The following NPTXR variants were observed in gnomAD, a reference collection of about 807,000 sequenced individuals.
The protein encoded by NPTXR is neuronal pentraxin receptor.
NPTXR carries 12 observed loss-of-function variants against 32.2 expected under a neutral mutation model. The ratio of observed to expected loss-of-function variants is 0.37; its 90% CI spans 0.24 to 0.60. The LOEUF is 0.60. NPTXR is among the 20% of genes least tolerant of loss of function. The probability of loss-of-function intolerance (pLI) is 0.66; values close to 1 mark genes in which losing one functional copy is unlikely to be tolerated. For synonymous variants in NPTXR, 323 were observed against 315.8 expected, an observed-to-expected ratio of 1.02 and a Z score of -0.24; for missense variants, 612 against 682.9, an observed-to-expected ratio of 0.90 and a Z score of 1.16.
At chr22:38,835,289 T>A (rs1439616310) in intron 1 of NPTXR, among the ~76,000 whole-genome samples, 2 of 152,142 alleles carry the variant, frequency 1.3e-5, no homozygotes, top group African/African-American at 4.8e-5. Flanking sequence ...AGGTGGAAGT[T>A]TGGGGTCAGG....
intron 1 of NPTXR, among the ~76,000 whole-genome samples, chr22:38,837,604 G>A (rs1375472174): frequency 2.6e-5 from 4 of 152,054 alleles, no homozygotes; most frequent in Admixed American, 1.3e-4. Context: ...GCTCGAGGGC[G>A]GTACACACAT....
chr22:38,827,782 C>G (rs148062606), intron 2 of NPTXR, among the ~76,000 whole-genome samples: 3 of 152,322 alleles, frequency 2.0e-5, no homozygotes, highest in Non-Finnish European at 4.4e-5. Flanking sequence ...GATATGCAAC[C>G]AGGAGCCAGG....
At chr22:38,839,510 T>C (rs534224400) in intron 1 of NPTXR, among the ~76,000 whole-genome samples, 8 of 152,294 alleles carry the variant, frequency 5.3e-5, no homozygotes, top group African/African-American at 1.7e-4. Flanking sequence ...CTGGGCGTGG[T>C]GGCACATGCC....
chr22:38,826,526 G>A lies in NPTXR; in HGVS notation c.1072C>T (p.Pro358Ser), dbSNP rs769489717. ...TTGTCGTTGATCAGCAGCTCCATGG[G>A]CTCATGGCCCGCCTCTAGCAGTACA... The change falls in exon 3 of 5, where the codon CCC becomes TCC. Residue 358 changes from proline to serine, a missense_variant. Physicochemically the swap from Pro to Ser is moderately conservative, Grantham distance 74 (BLOSUM62 -1). Transcript: ENST00000333039. 8.7e-6 allele frequency: 14 copies of A among 1,612,246 alleles called. No individual in the cohort carries two copies. Among genetic ancestry groups the A allele is most frequent in the Admixed American group, 3.3e-5 (2 of 59,938 alleles).
chr22:38,824,472 C>T (rs111382838), intron 3 of NPTXR, among the ~76,000 whole-genome samples: 1,793 of 152,148 alleles, frequency 0.012, 30 homozygotes, highest in African/African-American at 0.041. Context: ...ACAGAGGCTG[C>T]GAGGCCCAGA....
intron 1 of NPTXR, among the ~76,000 whole-genome samples, chr22:38,838,872 C>T (rs372990083): frequency 5.3e-5 from 8 of 152,052 alleles, no homozygotes; most frequent in South Asian, 2.1e-4. Context: ...TGAGCCACCG[C>T]GCCCAGCTCA....
rs1014083450 is a variant in NPTXR, at chr22:38,843,306, C to T, written c.553G>A (p.Asp185Asn). ...AGCTCCAGAATGAGCGCAGGCGAGT[C>T]CCAGGGCCCGTCGGCCATGGTGTCG... Residue 185 changes from aspartate (D) to asparagine (N), a missense_variant, in exon 1 of 5, where the codon GAC becomes AAC. Asp to Asn is a conservative substitution (Grantham distance 23, BLOSUM62 1). Transcript: ENST00000333039. The surrounding 1 kb of genome is among the most constrained non-coding windows in gnomAD (Gnocchi z 5.3). 11 of 1,431,108 alleles carry T rather than the reference C, an allele frequency of 7.7e-6. No homozygotes were observed. Among genetic ancestry groups the T allele is most frequent in the African/African-American group, 6.0e-5 (4 of 66,846 alleles). The allele number at this position is 1,431,108 out of a possible 1,614,324, so 88.7% of individuals were successfully genotyped here.
chr22:38,824,961 A>C (rs2093104083), intron 3 of NPTXR, among the ~76,000 whole-genome samples: 1 of 152,126 alleles, frequency 6.6e-6, no homozygotes, highest in Non-Finnish European at 1.5e-5. Context: ...TAGTGGCTTT[A>C]TGTGTTGTGG....
In NPTXR at chr22:38,840,321, G is replaced by A. The variant is rs375379358; in HGVS notation, c.624+2914C>T. On this transcript the variant is annotated intron_variant, in intron 1 of 4. Coordinates refer to ENST00000333039, the MANE Select transcript of NPTXR (RefSeq NM_014293.4). ...GATGTGGAGCAGGAATGTGCTGGGGGTGATCCAGGCAGAGGCAGGAATGAA... is the reference window on the plus strand; with the variant it reads ...GATGTGGAGCAGGAATGTGCTGGGGATGATCCAGGCAGAGGCAGGAATGAA... Among the ~76,000 whole-genome samples, 31 of 152,158 alleles carry A rather than the reference G, an allele frequency of 2.0e-4. 1 individual carries two copies. The highest frequency in any genetic ancestry group is 6.8e-4 in the African/African-American group (28 of 41,430).
At chr22:38,826,452 G>A in intron 3 of NPTXR, 48 bp downstream of exon 3, 1 of 1,564,124 alleles carries the variant, frequency 6.4e-7, no homozygotes, top group Admixed American at 1.8e-5. Flanking sequence ...GGGTGCTTCT[G>A]GAAGGGTGGC....
chr22:38,838,658 T>C (rs1396147439), intron 1 of NPTXR, among the ~76,000 whole-genome samples: 1 of 145,312 alleles, frequency 6.9e-6, no homozygotes, highest in East Asian at 2.1e-4. Context: ...CTCGGCTCAC[T>C]GCAAGCTCCG....
At chr22:38,824,867 T>A (rs1311053094) in intron 3 of NPTXR, among the ~76,000 whole-genome samples, 6 of 152,124 alleles carry the variant, frequency 3.9e-5, no homozygotes, top group Non-Finnish European at 7.3e-5. Flanking sequence ...CCTGGACTCA[T>A]CTCCTCCCTC....
rs1274372329 is a variant in NPTXR, at chr22:38,820,000, A to T, written c.*2609T>A. The T allele has an allele frequency of 6.6e-6, 1 of 152,588 alleles. No individual in the cohort carries two copies. Among genetic ancestry groups the T allele is most frequent in the Non-Finnish European group, 1.5e-5 (1 of 68,044 alleles). 9.5% of individuals were successfully genotyped at this position (152,588 alleles called of 1,614,324 possible). The stretch of plus-strand genomic sequence containing the variant: ...TTGAGCGTGTGTGTGGGCTCAAGTG[A>T]CCATGCAAGTGCTGTCACCTCCTTC... On this transcript the variant is annotated 3_prime_UTR_variant, in exon 5 of 5. Transcript: ENST00000333039.
chr22:38,830,400 C>T (rs1252603860), intron 1 of NPTXR, among the ~76,000 whole-genome samples: 3 of 152,194 alleles, frequency 2.0e-5, no homozygotes, highest in Non-Finnish European at 4.4e-5. Context: ...GCTCTTGCTG[C>T]CGGCTGAGCC....
At chr22:38,824,763 G>A (rs1214797998) in intron 3 of NPTXR, among the ~76,000 whole-genome samples, 2 of 152,170 alleles carry the variant, frequency 1.3e-5, no homozygotes, top group African/African-American at 4.8e-5. Flanking sequence ...GCAGCCAGGG[G>A]GTGATGAAGG....
chr22:38,834,526 A>G lies in NPTXR; in HGVS notation c.625-6014T>C, dbSNP rs2093121043. Among the ~76,000 whole-genome samples the G allele has an allele frequency of 7.0e-6, 1 of 142,632 alleles. No individual in the cohort carries two copies. The highest frequency in any genetic ancestry group is 2.2e-4 in the South Asian group (1 of 4,650). 93.6% of individuals were successfully genotyped at this position (142,632 alleles called of 152,430 possible). On this transcript the variant is annotated intron_variant, in intron 1 of 4. Coordinates refer to ENST00000333039, the MANE Select transcript of NPTXR (RefSeq NM_014293.4). This position sits in a 1 kb window ranked among gnomAD's most constrained non-coding sequence, Gnocchi z 4.4. ...CCTGATGCCTGAACTGAGATGCTCTATAGAGAGAGAAGAGGGCCCTGAGAG... is the reference window on the plus strand; with the variant it reads ...CCTGATGCCTGAACTGAGATGCTCTGTAGAGAGAGAAGAGGGCCCTGAGAG...
chr22:38,841,021 T>C (rs1426901381), intron 1 of NPTXR, among the ~76,000 whole-genome samples: 1 of 152,174 alleles, frequency 6.6e-6, no homozygotes, highest in Non-Finnish European at 1.5e-5. Flanking sequence ...GCACCTTCAG[T>C]GTATCCTGGG....
In NPTXR at chr22:38,834,941, A is replaced by T. The variant is rs2093121812; in HGVS notation, c.625-6429T>A. On this transcript the variant is annotated intron_variant, in intron 1 of 4. Transcript: ENST00000333039. This position sits in a 1 kb window ranked among gnomAD's most constrained non-coding sequence, Gnocchi z 4.4. ...GAGAGGCAGGAGAGCATAATGTGTC[A>T]TGGTGCAGGCCCTGGAGCCAGACTG... Among the ~76,000 whole-genome samples, 1 of 152,238 alleles carries T rather than the reference A, an allele frequency of 6.6e-6. No individual in the cohort carries two copies. The highest frequency in any genetic ancestry group is 6.5e-5 in the Admixed American group (1 of 15,286).
chr22:38,822,537 G>A lies in NPTXR; in HGVS notation c.*72C>T. 1 of 1,359,716 alleles carries A rather than the reference G, an allele frequency of 7.4e-7. No homozygotes were observed. The allele number at this position is 1,359,716 out of a possible 1,614,324, so 84.2% of individuals were successfully genotyped here. A position where few individuals can be genotyped will look rare whatever the true frequency, so the allele number is the denominator to read the frequency against. ...GGGAAGGCCAGTGCGTGGGCAGGCTGAGGAGGGAATATGACCCCCCTCAAG... is the reference window on the plus strand; with the variant it reads ...GGGAAGGCCAGTGCGTGGGCAGGCTAAGGAGGGAATATGACCCCCCTCAAG... On this transcript the variant is annotated 3_prime_UTR_variant, in exon 5 of 5. Coordinates refer to ENST00000333039, the MANE Select transcript of NPTXR (RefSeq NM_014293.4).
Sources: gnomAD v4.1 joint callset for allele counts (sites outside exome capture counted in the v4.1 genomes callset) on GRCh38, gnomAD v4.1.1 for gene constraint, Gnocchi (gnomAD v3.1) non-coding constraint, MANE v1.5 for transcripts, NCBI Gene and HGNC (gene_info 2026-07-23, HGNC 2026-07-21) for gene names.